KLF12: variants seen among roughly 807,000 people sequenced by gnomAD.
The protein encoded by KLF12 is Krueppel-like factor 12.
KLF12 carries 9 observed loss-of-function variants against 37.8 expected under a neutral mutation model. The ratio of observed to expected loss-of-function variants is 0.24; its 90% confidence interval spans 0.14 to 0.42. The LOEUF (loss-of-function observed/expected upper bound fraction) is 0.42. KLF12 is among the 10% of genes least tolerant of loss of function. The probability of loss-of-function intolerance (pLI) is 1.00; values close to 1 mark genes in which losing one functional copy is unlikely to be tolerated. For synonymous variants in KLF12, 208 were observed against 202.1 expected (o/e 1.03, Z -0.25); for missense variants, 411 against 516.0 (o/e 0.80, Z 1.97).
chr13:73,939,419 A>AT (rs1322348082), intron 3 of KLF12, among the ~76,000 whole-genome samples: 3 of 152,006 alleles, frequency 2.0e-5, no homozygotes, highest in Admixed American at 1.3e-4. Context: ...TATTGACATT[A>AT]TTTTTTGTGT....
the KLF12 span, among the ~76,000 whole-genome samples, chr13:74,179,907 T>C: frequency 4.6e-5 from 7 of 152,152 alleles, no homozygotes; most frequent in African/African-American, 1.7e-4. Context: ...AACTTGTACT[T>C]AAAAGGAGGA....
intron 6 of KLF12, among the ~76,000 whole-genome samples, chr13:73,748,069 A>T (rs1878493191): frequency 6.6e-6 from 1 of 152,166 alleles, no homozygotes; most frequent in Admixed American, 6.5e-5. Flanking sequence ...GAAAACGATG[A>T]ATTTGTGGAG....
rs1876522551 is a variant in KLF12, at chr13:74,104,187, T to G, written c.-32+29552A>C. Among the ~76,000 whole-genome samples, 3 of 152,234 alleles carry G rather than the reference T, an allele frequency of 2.0e-5. No individual in the cohort carries two copies. The South Asian group carries it at 6.2e-4, about 32-fold the overall frequency. On this transcript the variant is annotated intron_variant, in intron 1 of 7. Transcript: ENST00000377669. The stretch of plus-strand genomic sequence containing the variant: ...CACATTTGAACATGTTTTTAGTATA[T>G]TGTTTCAATGATTTGTATATTTTAT...
intron 4 of KLF12, 37 bp downstream of exon 4, chr13:73,845,790 G>C (rs768001685): frequency 2.2e-5 from 34 of 1,577,820 alleles, no homozygotes; most frequent in Non-Finnish European, 2.9e-5. Context: ...GTCACCTCTA[G>C]TGCTGAAATA....
At chr13:74,079,899 A>G (rs1874778342) in intron 1 of KLF12, among the ~76,000 whole-genome samples, 1 of 152,178 alleles carries the variant, frequency 6.6e-6, no homozygotes, top group East Asian at 1.9e-4. Flanking sequence ...GAAAGGATTA[A>G]AAGCAGGGTC....
chr13:73,725,830 AATGT>A (rs1876615919), intron 6 of KLF12, among the ~76,000 whole-genome samples: 1 of 136,388 alleles, frequency 7.3e-6, no homozygotes, highest in African/African-American at 2.7e-5. Flanking sequence ...CATATTTCAA[AATGT>A]ATTTATTTAT....
At chr13:73,746,615 G>A (rs983955947) in intron 6 of KLF12, among the ~76,000 whole-genome samples, 1 of 152,122 alleles carries the variant, frequency 6.6e-6, no homozygotes, top group African/African-American at 2.4e-5. Flanking sequence ...CTGGCACCTA[G>A]TAGGTGCTCA....
intron 1 of KLF12, among the ~76,000 whole-genome samples, chr13:74,026,942 T>C (rs1303003849): frequency 3.3e-5 from 5 of 151,732 alleles, no homozygotes; most frequent in African/African-American, 1.2e-4. Context: ...CCTAGAAAAG[T>C]CAGGGGCCTG....
chr13:74,235,034 A>G, the KLF12 span, among the ~76,000 whole-genome samples: 1 of 152,202 alleles, frequency 6.6e-6, no homozygotes, highest in African/African-American at 2.4e-5. Context: ...GTCTGGATGC[A>G]AGAAACCAAA....
chr13:74,044,706 G>A (rs1893495025), intron 1 of KLF12, among the ~76,000 whole-genome samples: 1 of 151,866 alleles, frequency 6.6e-6, no homozygotes, highest in African/African-American at 2.4e-5. Context: ...TTTGCCAGAT[G>A]TAGTGGCGGG....
intron 6 of KLF12, among the ~76,000 whole-genome samples, chr13:73,752,378 G>GA (rs1350021995): frequency 6.7e-6 from 1 of 148,970 alleles, no homozygotes; most frequent in Non-Finnish European, 1.5e-5. Flanking sequence ...TTCATCTCAA[G>GA]AACTGTTCTG....
At chr13:74,103,009 G>A (rs1398016506) in intron 1 of KLF12, among the ~76,000 whole-genome samples, 1 of 152,170 alleles carries the variant, frequency 6.6e-6, no homozygotes, top group African/African-American at 2.4e-5. Context: ...GAGGGGGGCA[G>A]TAACACACTC....
intron 5 of KLF12, among the ~76,000 whole-genome samples, chr13:73,791,634 CATT>C (rs1478785660): frequency 6.6e-6 from 1 of 152,108 alleles, no homozygotes; most frequent in Non-Finnish European, 1.5e-5. Context: ...ACTGTACTTG[CATT>C]ATTTTTTCCT....
rs887942864 is a variant in KLF12, at chr13:73,694,564, C to G, written c.*926G>C. 1 of 152,698 alleles carries G rather than the reference C, an allele frequency of 6.5e-6. No homozygotes were observed. The highest frequency in any genetic ancestry group is 2.1e-4 in the South Asian group (1 of 4,830). 9.5% of individuals were successfully genotyped at this position (152,698 alleles called of 1,614,324 possible). On this transcript the variant is annotated 3_prime_UTR_variant, in exon 8 of 8. Coordinates refer to ENST00000377669, the MANE Select transcript of KLF12 (RefSeq NM_007249.5). ...TGTTCACTGACTTTGCCTGGGCAGC[C>G]CCACCTCTTACCTTGGTGCCAGTGT...
At chr13:73,953,085 C>A (rs894194984) in intron 2 of KLF12, among the ~76,000 whole-genome samples, 2 of 152,042 alleles carry the variant, frequency 1.3e-5, no homozygotes, top group South Asian at 2.1e-4. Context: ...AGACAGGAAA[C>A]CAAATAGGAA....
At chr13:74,058,817 G>C (rs960733712) in intron 1 of KLF12, among the ~76,000 whole-genome samples, 2 of 152,122 alleles carry the variant, frequency 1.3e-5, no homozygotes, top group African/African-American at 4.8e-5. Flanking sequence ...TTTGATTTTA[G>C]ATTCAGGGTA....
At chr13:74,274,391 C>A in the KLF12 span, among the ~76,000 whole-genome samples, 1 of 152,154 alleles carries the variant, frequency 6.6e-6, no homozygotes, top group Non-Finnish European at 1.5e-5. Flanking sequence ...CCTCTAAGAT[C>A]GCACATTACC....
At chr13:73,789,833 C>T (rs1463781230) in intron 5 of KLF12, among the ~76,000 whole-genome samples, 1 of 152,060 alleles carries the variant, frequency 6.6e-6, no homozygotes, top group African/African-American at 2.4e-5. Flanking sequence ...TCCGCCACTA[C>T]GCCCGGTTTA....
chr13:73,776,795 C>CA (rs1469508664), intron 5 of KLF12, among the ~76,000 whole-genome samples: 3 of 152,158 alleles, frequency 2.0e-5, no homozygotes, highest in Admixed American at 1.3e-4. Context: ...GTATGAATCA[C>CA]TACATCATTG....
Sources: gnomAD v4.1 joint callset for allele counts (sites outside exome capture counted in the v4.1 genomes callset) on GRCh38, gnomAD v4.1.1 for gene constraint, MANE v1.5 for transcripts, NCBI Gene and HGNC (gene_info 2026-07-23, HGNC 2026-07-21) for gene names.